DNAH8: variants seen among roughly 807,000 people sequenced by gnomAD.
The protein encoded by DNAH8 is dynein axonemal heavy chain 8.
A neutral mutation model predicts 562.1 loss-of-function variants in DNAH8; 382 were observed. The observed-to-expected ratio is 0.68, with a 90% CI of 0.63 to 0.74. The LOEUF (loss-of-function observed/expected upper bound fraction) is 0.74. Ranked by LOEUF, DNAH8 falls within the 30% of genes least tolerant of loss-of-function variation. DNAH8 has a pLI of 0.00. For synonymous variants in DNAH8, 1,881 were observed against 1,919.4 expected, an observed-to-expected ratio of 0.98 and a Z score of 0.52; for missense variants, 5,203 against 5,620.4, an observed-to-expected ratio of 0.93 and a Z score of 2.37.
At position 38,781,291 on chromosome 6, in the gene DNAH8, G is replaced by A. The variant is rs747524974; in HGVS notation, c.2177G>A (p.Arg726His). 55 of 1,612,580 alleles carry A rather than the reference G, an allele frequency of 3.4e-5. No homozygotes were observed. Among genetic ancestry groups the A allele is most frequent in the East Asian group, 6.7e-5 (3 of 44,822 alleles). The change falls in exon 16 of 93, where the codon CGC (arginine) becomes CAC (histidine). Residue 726 changes from arginine (R) to histidine (H), a missense_variant. By Grantham distance (29) the Arg-to-His change is conservative. Around this residue, in one of 6 missense-constraint regions of DNAH8, gnomAD observed 2,176 missense variants for 2,365.1 expected, o/e 0.92. Coordinates refer to ENST00000327475, the MANE Select transcript of DNAH8 (RefSeq NM_001206927.2). The stretch of plus-strand genomic sequence containing the variant: ...CAGAAAGATGACCCCCCTCTTGCTC[G>A]CAACATGCCCCCTATAGCAGGAAAA... ...HSQKDDPPLA[R>H]NMPPIAGKIL...
rs1583186691 is a variant in DNAH8, at chr6:38,853,190, A to G, written c.5576A>G (p.Asp1859Gly). 3.8e-6 allele frequency: 6 copies of G among 1,594,754 alleles called. No individual in the cohort carries two copies. The highest frequency in any genetic ancestry group is 1.7e-4 in the Middle Eastern group (1 of 5,964). The change falls in exon 41 of 93, where the codon GAT (aspartate) becomes GGT (glycine). Residue 1859 changes from aspartate (D) to glycine (G), a missense_variant. By Grantham distance (94) the Asp-to-Gly change is moderately conservative (BLOSUM62 -1). Coordinates refer to ENST00000327475, the MANE Select transcript of DNAH8 (RefSeq NM_001206927.2). ...ATCCTTGTAATTTTGTTTTAGTTGGATAATTCTGTTATGGCCAAAGGTCCT... is the reference window on the plus strand; with the variant it reads ...ATCCTTGTAATTTTGTTTTAGTTGGGTAATTCTGTTATGGCCAAAGGTCCT... ...ISREGEKIVL[D>G]NSVMAKGPVE...
intron 45 of DNAH8, among the ~76,000 whole-genome samples, chr6:38,865,102 T>C (rs979142249): frequency 1.3e-5 from 2 of 152,222 alleles, no homozygotes; most frequent in African/African-American, 4.8e-5. Context: ...AAACGGGAGT[T>C]TTTATGCTTT....
At chr6:38,820,786 A>G (rs1303520637) in intron 26 of DNAH8, among the ~76,000 whole-genome samples, 2 of 152,212 alleles carry the variant, frequency 1.3e-5, no homozygotes, top group Non-Finnish European at 2.9e-5. Flanking sequence ...TAGACATAGA[A>G]AAAATATTTG....
intron 88 of DNAH8, among the ~76,000 whole-genome samples, chr6:39,004,405 T>C (rs1765672639): frequency 6.6e-6 from 1 of 152,186 alleles, no homozygotes; most frequent in East Asian, 1.9e-4. Flanking sequence ...CCCATTCTTT[T>C]CTATACTTCA....
intron 47 of DNAH8, 66 bp from the exon 48 acceptor site, chr6:38,867,996 G>A (rs1777185209): frequency 7.2e-6 from 11 of 1,519,634 alleles, no homozygotes; most frequent in Non-Finnish European, 9.8e-6. Context: ...TATGCATAGA[G>A]TGAGCCGTGA....
intron 26 of DNAH8, among the ~76,000 whole-genome samples, chr6:38,818,042 T>C (rs998945150): frequency 3.9e-5 from 6 of 152,218 alleles, no homozygotes; most frequent in African/African-American, 1.4e-4. Flanking sequence ...ATGGATTTTA[T>C]ACTTTCGGGA....
intron 29 of DNAH8, among the ~76,000 whole-genome samples, chr6:38,827,132 AC>A (rs1490435569): frequency 6.6e-6 from 1 of 151,640 alleles, no homozygotes; most frequent in Non-Finnish European, 1.5e-5. Flanking sequence ...CATCACTTCT[AC>A]CCCCATTTCT....
chr6:38,997,299 C>T (rs1765197219), intron 88 of DNAH8, among the ~76,000 whole-genome samples: 2 of 152,152 alleles, frequency 1.3e-5, no homozygotes, highest in African/African-American at 4.8e-5. Context: ...CCTTGCTGTT[C>T]CCCCACCGGC....
chr6:39,005,403 C>G (rs1175874378), intron 88 of DNAH8, among the ~76,000 whole-genome samples: 1 of 152,026 alleles, frequency 6.6e-6, no homozygotes, highest in Admixed American at 6.6e-5. Context: ...GACTCTGTCT[C>G]AAAAACAAAA....
intron 62 of DNAH8, among the ~76,000 whole-genome samples, chr6:38,900,818 T>G (rs753057521): frequency 1.3e-5 from 2 of 152,160 alleles, no homozygotes; most frequent in African/African-American, 2.4e-5. Context: ...GGTTTCACCA[T>G]GTTGGCCAGG....
rs1268700173 is a variant in DNAH8, at chr6:38,737,920, C to T, written c.1064C>T (p.Thr355Ile). ...EVTAAASNSE[T>I]VHQLEEVLMV... ...ACTGCTGCAGCCAGCAACTCAGAAACTGTTCATCAGCTGGAGGAAGTGCTG... is the reference window on the plus strand; with the variant it reads ...ACTGCTGCAGCCAGCAACTCAGAAATTGTTCATCAGCTGGAGGAAGTGCTG... Residue 355 changes from threonine to isoleucine, a missense_variant, in exon 7 of 93, where the codon ACT becomes ATT. Transcript: ENST00000327475. 1.2e-6 allele frequency: 2 copies of T among 1,607,984 alleles called. No homozygotes were observed. The highest frequency in any genetic ancestry group is 4.5e-5 in the East Asian group (2 of 44,030).
At chr6:38,717,627 ATTT>A (rs34952417) in intron 1 of DNAH8, among the ~76,000 whole-genome samples, 23 of 143,078 alleles carry the variant, frequency 1.6e-4, no homozygotes, top group African/African-American at 4.3e-4. Flanking sequence ...TGTACACATG[ATTT>A]TTTTTTTTTT....
chr6:38,895,939 G>C, intron 59 of DNAH8, 94 bp from the exon 60 acceptor site: 1 of 1,022,626 alleles, frequency 9.8e-7, no homozygotes, highest in Non-Finnish European at 1.5e-6. Flanking sequence ...AATTGAGAAG[G>C]TCCAGGGTGG....
chr6:38,758,091 G>A (rs1322216811), intron 10 of DNAH8, among the ~76,000 whole-genome samples: 2 of 152,134 alleles, frequency 1.3e-5, no homozygotes, highest in African/African-American at 4.8e-5. Flanking sequence ...TGATGGGGAT[G>A]GCACTGAATC....
At chr6:38,836,586 C>T (rs1054941084) in intron 32 of DNAH8, among the ~76,000 whole-genome samples, 2 of 150,796 alleles carry the variant, frequency 1.3e-5, no homozygotes, top group African/African-American at 4.9e-5. Flanking sequence ...GCCTGTCTCT[C>T]GAGGTGTGAG....
intron 53 of DNAH8, among the ~76,000 whole-genome samples, chr6:38,876,052 A>C (rs150455506): frequency 1.4e-3 from 206 of 152,354 alleles, no homozygotes; most frequent in Non-Finnish European, 2.5e-3. Context: ...GAGTGGGCTC[A>C]GTAAAATCTG....
At chr6:39,016,568 A>G (rs60028728) in intron 91 of DNAH8, among the ~76,000 whole-genome samples, 4 of 152,028 alleles carry the variant, frequency 2.6e-5, no homozygotes, top group Non-Finnish European at 5.9e-5. Flanking sequence ...AAAAAAAAGA[A>G]AAAAGCCCTA....
chr6:38,815,371 G>A (rs1772152668), intron 25 of DNAH8, 97 bp from the exon 26 acceptor site: 16 of 936,398 alleles, frequency 1.7e-5, no homozygotes, highest in East Asian at 7.4e-5. Flanking sequence ...TGGGCCAGCC[G>A]AGGCTTGCCC....
At chr6:38,994,059 T>A (rs1050499211) in intron 88 of DNAH8, among the ~76,000 whole-genome samples, 17 of 125,410 alleles carry the variant, frequency 1.4e-4, no homozygotes, top group African/African-American at 4.4e-4. Flanking sequence ...CAGAATCTCA[T>A]CAACAGAGCG....
Sources: gnomAD v4.1 joint callset for allele counts (sites outside exome capture counted in the v4.1 genomes callset) on GRCh38, gnomAD v4.1.1 for gene constraint, gnomAD v4.1.1 regional missense constraint, MANE v1.5 for transcripts, NCBI Gene and HGNC (gene_info 2026-07-23, HGNC 2026-07-21) for gene names.